TRAP1: variants seen among roughly 807,000 people sequenced by gnomAD.
The protein encoded by TRAP1 is heat shock protein 75 kDa, mitochondrial.
A neutral mutation model predicts 89.1 loss-of-function variants in TRAP1; 102 were observed. The observed-to-expected ratio is 1.15, with a 90% CI of 0.98 to 1.35. The LOEUF (loss-of-function observed/expected upper bound fraction) is 1.35. Among genes scored for constraint, TRAP1 ranks in the 40% most tolerant of loss-of-function variants. TRAP1 has a pLI of 0.00. For synonymous variants in TRAP1, 508 were observed against 388.0 expected, an observed-to-expected ratio of 1.31 and a Z score of -3.64; for missense variants, 1,256 against 945.3, an observed-to-expected ratio of 1.33 and a Z score of -4.31.
At chr16:3,658,265 C>A in intron 17 of TRAP1, 35 bp from the exon 18 acceptor site, 1 of 1,494,140 alleles carries the variant, frequency 6.7e-7, no homozygotes, top group Admixed American at 1.9e-5. Context: ...TTATGAGGGG[C>A]ATGGGGCACC....
intron 8 of TRAP1, 99 bp from the exon 9 acceptor site, chr16:3,674,593 G>T: frequency 6.9e-7 from 1 of 1,446,788 alleles, no homozygotes; most frequent in East Asian, 2.4e-5. Flanking sequence ...GCCCTGGACA[G>T]GCTCCTGGGA....
chr16:3,668,882 G>A (rs981040915), intron 11 of TRAP1, among the ~76,000 whole-genome samples: 1 of 152,232 alleles, frequency 6.6e-6, no homozygotes, highest in Non-Finnish European at 1.5e-5. Flanking sequence ...GAAATACTCA[G>A]GAAACACATT....
At chr16:3,709,791 C>T (rs375693391) in intron 1 of TRAP1, among the ~76,000 whole-genome samples, 87 of 152,264 alleles carry the variant, frequency 5.7e-4, no homozygotes, top group African/African-American at 1.8e-3. Flanking sequence ...GCTGGGATTA[C>T]AGGCATGCGC....
intron 1 of TRAP1, among the ~76,000 whole-genome samples, chr16:3,711,296 C>T (rs1310451975): frequency 6.6e-6 from 1 of 152,062 alleles, no homozygotes; most frequent in Admixed American, 6.6e-5. Flanking sequence ...CAGGAATTCA[C>T]CTGGTTAAAA....
intron 1 of TRAP1, among the ~76,000 whole-genome samples, chr16:3,706,139 G>T (rs2051441928): frequency 6.6e-6 from 1 of 151,696 alleles, no homozygotes; most frequent in African/African-American, 2.4e-5. Flanking sequence ...ATTTTTAGTA[G>T]AGACGGGTTT....
At chr16:3,710,978 C>A (rs1414973079) in intron 1 of TRAP1, among the ~76,000 whole-genome samples, 4 of 149,354 alleles carry the variant, frequency 2.7e-5, no homozygotes, top group African/African-American at 9.9e-5. Context: ...CTTAAGGGAG[C>A]CTCCCACTTC....
rs764258569 is a variant in TRAP1 at position 3,658,171 on chromosome 16, G to T, written c.2073C>A (p.Gly691=). 6.2e-7 allele frequency: 1 copy of T among 1,614,060 alleles called. No homozygotes were observed. Among genetic ancestry groups the T allele is most frequent in the Non-Finnish European group, 8.5e-7 (1 of 1,180,000 alleles). ...CCTTGACAAGCAGCTCATTCAAGCGGCCCACCATGGCCCTAGGGTCGTCAA... is the reference window on the plus strand; with the variant it reads ...CCTTGACAAGCAGCTCATTCAAGCGTCCCACCATGGCCCTAGGGTCGTCAA... ...GLVDDPRAMV[G]RLNELLVKAL... The change falls in exon 18 of 18, where the codon GGC becomes GGA. Residue 691 remains glycine (G), a synonymous_variant. Coordinates refer to ENST00000246957, the MANE Select transcript of TRAP1 (RefSeq NM_016292.3).
chr16:3,693,803 G>C (rs1596736829), intron 1 of TRAP1, among the ~76,000 whole-genome samples: 1 of 152,080 alleles, frequency 6.6e-6, no homozygotes, highest in South Asian at 2.1e-4. Context: ...GACCAGCCTG[G>C]GCAAGAAAGT....
At chr16:3,699,545 G>A (rs58479398) in intron 1 of TRAP1, among the ~76,000 whole-genome samples, 5,616 of 144,300 alleles carry the variant, frequency 0.039, 334 homozygotes, top group African/African-American at 0.13. Context: ...AGAATCACTT[G>A]AACCCACGAG....
At chr16:3,686,263 A>T in intron 3 of TRAP1, 127 bp from the exon 4 acceptor site, 7 of 1,154,314 alleles carry the variant, frequency 6.1e-6, no homozygotes, top group Non-Finnish European at 8.5e-6. Flanking sequence ...AAGCATAAAG[A>T]GTTTCTGCTT....
chr16:3,697,480 C>G (rs1009239853), intron 1 of TRAP1, among the ~76,000 whole-genome samples: 1 of 151,692 alleles, frequency 6.6e-6, no homozygotes, highest in African/African-American at 2.4e-5. Context: ...CTGGCTAACA[C>G]GGTGAAACCC....
chr16:3,685,948 T>A, intron 4 of TRAP1, 48 bp downstream of exon 4: 6 of 1,598,070 alleles, frequency 3.8e-6, no homozygotes, highest in Non-Finnish European at 5.1e-6. Flanking sequence ...GATCCTGTCC[T>A]TGCTGCATGG....
intron 1 of TRAP1, among the ~76,000 whole-genome samples, chr16:3,692,595 CTTTTTTTT>C (rs202237111): frequency 1.4e-4 from 15 of 105,202 alleles, no homozygotes; most frequent in African/African-American, 4.3e-4. Flanking sequence ...AAAAACTTGC[CTTTTTTTT>C]TTTTTTTTTT....
At chr16:3,696,302 G>A (rs2051286380) in intron 1 of TRAP1, among the ~76,000 whole-genome samples, 1 of 152,224 alleles carries the variant, frequency 6.6e-6, no homozygotes, top group African/African-American at 2.4e-5. Flanking sequence ...AGGACGGGGT[G>A]TGTCAGGAGA....
At chr16:3,667,071 G>A (rs1447171703) in intron 11 of TRAP1, among the ~76,000 whole-genome samples, 1 of 152,146 alleles carries the variant, frequency 6.6e-6, no homozygotes, top group African/African-American at 2.4e-5. Context: ...ACATGCCTTC[G>A]TGCCTGGGAG....
At position 3,672,685 on chromosome 16, in the gene TRAP1, C is replaced by T; in HGVS notation, c.1165+15G>A. 6.2e-7 allele frequency: 1 copy of T among 1,602,566 alleles called. No homozygotes were observed. Among genetic ancestry groups the T allele is most frequent in the Non-Finnish European group, 8.5e-7 (1 of 1,175,378 alleles). ...GGGCCACGGGGGCACTGCTCACGGA[C>T]TCTGAGCAGCGTACCTCGGATGAAG... is the stretch of plus-strand genomic sequence containing the variant. On this transcript the variant is annotated intron_variant, in intron 10 of 17. Transcript: ENST00000246957.
At position 3,661,994 on chromosome 16, in the gene TRAP1, TG is replaced by T. The variant is rs750330380; in HGVS notation, c.1932del (p.Asn645ThrfsTer10). ...RAQLLQPTLE[I>X]NPRHALIKKL... ...CCAGGAGCGTGGCCTCACCTGGGGT[TG>T]ATCTCCAGCGTGGGCTGCAGGAGCT... On this transcript the variant is annotated frameshift_variant, in exon 16 of 18. Coordinates refer to ENST00000246957, the MANE Select transcript of TRAP1 (RefSeq NM_016292.3). LOFTEE classifies it high-confidence loss of function. The T allele has an allele frequency of 2.5e-6, 4 of 1,606,572 alleles. No individual in the cohort carries two copies. The African/African-American group carries it at 4.0e-5, about 16-fold the overall frequency.
At position 3,674,475 on chromosome 16, in the gene TRAP1, G is replaced by C; in HGVS notation, c.908C>G (p.Pro303Arg). 1.9e-6 allele frequency: 3 copies of C among 1,613,956 alleles called. No homozygotes were observed. The highest frequency in any genetic ancestry group is 2.5e-6 in the Non-Finnish European group (3 of 1,179,992). ...NTLQAIWMMDPKDVREWQHEE... is the reference protein window; with the variant it reads ...NTLQAIWMMDRKDVREWQHEE... ...ATGTTGCCACTCACGGACATCCTTG[G>C]GGTCCATCATCCAGATGGCCTGGAA... The change falls in exon 9 of 18, where the codon CCC becomes CGC. Residue 303 changes from proline (P) to arginine (R), a missense_variant. By Grantham distance (103) the Pro-to-Arg change is moderately radical. Transcript: ENST00000246957.
intron 1 of TRAP1, among the ~76,000 whole-genome samples, chr16:3,700,699 C>A (rs2051353766): frequency 6.6e-6 from 1 of 152,138 alleles, no homozygotes; most frequent in Non-Finnish European, 1.5e-5. Flanking sequence ...CTCTGGGGCT[C>A]AAGGGATCCT....
Sources: allele counts gnomAD v4.1 joint callset (sites outside exome capture counted in the v4.1 genomes callset), GRCh38; gene constraint gnomAD v4.1.1; transcripts MANE v1.5; gene names NCBI Gene and HGNC (gene_info 2026-07-23, HGNC 2026-07-21).